The following ARHGAP32 variants were observed in gnomAD, a reference collection of about 807,000 sequenced individuals.
ARHGAP32 encodes rho GTPase-activating protein 32.
ARHGAP32 carries 51 observed loss-of-function variants against 186.5 expected under a neutral mutation model. The ratio of observed to expected loss-of-function variants is 0.27; its 90% confidence interval spans 0.22 to 0.35. The LOEUF (loss-of-function observed/expected upper bound fraction) is 0.35. Among genes scored for constraint, ARHGAP32 ranks in the 10% least tolerant of loss-of-function variants. The pLI, the probability that ARHGAP32 is intolerant of heterozygous loss-of-function variation, is 1.00. For synonymous variants in ARHGAP32, 950 were observed against 964.3 expected (o/e 0.99, Z 0.27); for missense variants, 2,186 against 2,623.5 (o/e 0.83, Z 3.64).
rs529753055 is a variant in ARHGAP32, at chr11:129,232,788, A to G, written c.-5+46358T>C. Among the ~76,000 whole-genome samples the G allele has an allele frequency of 4.6e-5, 7 of 152,186 alleles. No homozygotes were observed. In the South Asian group the frequency reaches 8.3e-4, roughly 18 times the overall value. On this transcript the variant is annotated intron_variant, in intron 1 of 6. Coordinates refer to the ARHGAP32 transcript ENST00000525234. The stretch of plus-strand genomic sequence containing the variant: ...CTCTCTGCTTAGACACTGGCATCAC[A>G]TGTCCCCTTCCTATCTTGGAGACAG...
At position 129,085,918 on chromosome 11, in the gene ARHGAP32, C is replaced by A. The variant is rs184126119; in HGVS notation, c.531+7703G>T. 6.0e-4 allele frequency among the ~76,000 whole-genome samples: 91 copies of A among 151,312 alleles called. 1 individual carries two copies. In the East Asian group the frequency reaches 0.017, roughly 29 times the overall value. On this transcript the variant is annotated intron_variant, in intron 6 of 22. Transcript: ENST00000682385. ...CTGAGGCAGCAGAAAGGCGTGAACC[C>A]GGGAGGCAGAGCTTGCAGTGAGCTG...
chr11:129,011,763 T>G (rs1377385669), intron 11 of ARHGAP32, among the ~76,000 whole-genome samples: 1 of 152,204 alleles, frequency 6.6e-6, no homozygotes, highest in Non-Finnish European at 1.5e-5. Context: ...GGTTGGCTTT[T>G]TTTTTATTTT....
intron 1 of ARHGAP32, among the ~76,000 whole-genome samples, chr11:129,270,116 A>T (rs1243372815): frequency 6.6e-6 from 1 of 152,160 alleles, no homozygotes; most frequent in Non-Finnish European, 1.5e-5. Context: ...AGCAACTAGG[A>T]TGTCCTTCAG....
chr11:129,189,598 T>G (rs1453876415), intron 1 of ARHGAP32, among the ~76,000 whole-genome samples: 1 of 152,202 alleles, frequency 6.6e-6, no homozygotes. Flanking sequence ...AATAACTATT[T>G]TACCACAGTG....
chr11:129,209,591 G>A (rs1041353762), intron 1 of ARHGAP32, among the ~76,000 whole-genome samples: 7 of 151,654 alleles, frequency 4.6e-5, no homozygotes, highest in Admixed American at 6.6e-5. Context: ...GACTGCAAAC[G>A]GAAAACACCC....
intron 5 of ARHGAP32, among the ~76,000 whole-genome samples, chr11:129,104,742 A>G (rs1194484799): frequency 6.6e-5 from 10 of 152,164 alleles, no homozygotes; most frequent in Non-Finnish European, 1.2e-4. Context: ...GTAGGTGGCT[A>G]CAAGCTTCAA....
rs535334430 is a variant in ARHGAP32 at position 129,071,375 on chromosome 11, C to T, written c.532-4507G>A. Among the ~76,000 whole-genome samples the T allele has an allele frequency of 1.1e-4, 16 of 151,556 alleles. No individual in the cohort carries two copies. The South Asian group carries it at 3.1e-3, about 30-fold the overall frequency. ...AGAACTCTACAGAAAAAAAAAATAA[C>T]CCAATTAACCAATGGGCAAAAGCAC... On this transcript the variant is annotated intron_variant, in intron 6 of 22. Transcript: ENST00000682385.
At chr11:129,159,853 C>T (rs1012020190) in intron 2 of ARHGAP32, among the ~76,000 whole-genome samples, 3 of 152,174 alleles carry the variant, frequency 2.0e-5, no homozygotes, top group Non-Finnish European at 4.4e-5. Context: ...TCCAGGAGCA[C>T]ATTAAAAAGC....
chr11:129,137,779 C>A (rs2135419343), intron 2 of ARHGAP32, among the ~76,000 whole-genome samples: 1 of 152,084 alleles, frequency 6.6e-6, no homozygotes, highest in Middle Eastern at 3.4e-3. Context: ...TGGACAGTCA[C>A]ATGCAGATGA....
chr11:129,145,322 T>C (rs531915759), intron 2 of ARHGAP32, among the ~76,000 whole-genome samples: 2 of 152,106 alleles, frequency 1.3e-5, no homozygotes, highest in South Asian at 4.1e-4. Flanking sequence ...TTTAAAGATA[T>C]ATTATAAATA....
Position 128,988,133 on chromosome 11 carries a change from G to A in ARHGAP32, c.1196-8C>T. Reference sequence around the variant, plus strand: ...TTTGAAGAACCTGCGGCACTAAAGAGAATTTGTAAAGAAACAGATGAAATT... The same window carrying A: ...TTTGAAGAACCTGCGGCACTAAAGAAAATTTGTAAAGAAACAGATGAAATT... On this transcript the variant is annotated splice_polypyrimidine_tract_variant and splice_region_variant and intron_variant, in intron 12 of 22. Coordinates refer to ENST00000682385, the MANE Select transcript of ARHGAP32 (RefSeq NM_001378024.1). The A allele has an allele frequency of 6.2e-7, 1 of 1,602,898 alleles. No homozygotes were observed. Among genetic ancestry groups the A allele is most frequent in the Non-Finnish European group, 8.5e-7 (1 of 1,171,800 alleles).
intron 1 of ARHGAP32, among the ~76,000 whole-genome samples, chr11:129,275,609 A>G (rs1437823282): frequency 6.6e-6 from 1 of 152,246 alleles, no homozygotes; most frequent in African/African-American, 2.4e-5. Context: ...CTTTTCTTTT[A>G]AAGAACCAGA....
At chr11:128,972,411 G>GT in intron 22 of ARHGAP32, 42 bp downstream of exon 22, 1 of 1,494,368 alleles carries the variant, frequency 6.7e-7, no homozygotes, top group Non-Finnish European at 8.9e-7. Flanking sequence ...CATACCTTTG[G>GT]TAATAGTATA....
intron 2 of ARHGAP32, among the ~76,000 whole-genome samples, chr11:129,128,528 C>T (rs1324936957): frequency 6.6e-6 from 1 of 152,146 alleles, no homozygotes; most frequent in Non-Finnish European, 1.5e-5. Flanking sequence ...CTACAGTTAA[C>T]AAAGTCATTT....
intron 8 of ARHGAP32, 80 bp from the exon 9 acceptor site, chr11:129,064,104 T>C: frequency 7.4e-7 from 1 of 1,346,662 alleles, no homozygotes; most frequent in Non-Finnish European, 9.9e-7. Context: ...AAGAAATTCA[T>C]TTTAATTTAG....
chr11:129,161,308 A>T lies in ARHGAP32; in HGVS notation c.225+3011T>A, dbSNP rs531893036. On this transcript the variant is annotated intron_variant, in intron 2 of 22. Coordinates refer to ENST00000682385, the MANE Select transcript of ARHGAP32 (RefSeq NM_001378024.1). ...AAAAAAAGCCAAAATTGACAAATGG[A>T]ATCTAATTAAACTAAAGACCTTCTC... Among the ~76,000 whole-genome samples, 769 of 152,198 alleles carry T rather than the reference A, an allele frequency of 5.1e-3. 6 individuals carry two copies. Among genetic ancestry groups the T allele is most frequent in the Non-Finnish European group, 8.2e-3 (559 of 67,980 alleles).
At chr11:129,131,151 T>A (rs1441433456) in intron 2 of ARHGAP32, among the ~76,000 whole-genome samples, 1 of 152,086 alleles carries the variant, frequency 6.6e-6, no homozygotes. Context: ...GAAATAAGTG[T>A]TACAACTGGC....
rs561233431 is a variant in ARHGAP32, at chr11:129,150,171, T to C, written c.225+14148A>G. Among the ~76,000 whole-genome samples, 19 of 148,694 alleles carry C rather than the reference T, an allele frequency of 1.3e-4. No homozygotes were observed. In the South Asian group the frequency reaches 3.9e-3, roughly 30 times the overall value. On this transcript the variant is annotated intron_variant, in intron 2 of 22. Transcript: ENST00000682385. Reference sequence around the variant, plus strand: ...AGAGCCTCCAAGAAATTAGGGATTATGTTAAATGGCCAAACCTAAGAAAAA... The same window carrying C: ...AGAGCCTCCAAGAAATTAGGGATTACGTTAAATGGCCAAACCTAAGAAAAA...
intron 1 of ARHGAP32, among the ~76,000 whole-genome samples, chr11:129,207,152 C>T (rs1439744313): frequency 3.9e-5 from 6 of 152,148 alleles, no homozygotes; most frequent in African/African-American, 1.4e-4. Context: ...TCCAGTCTAT[C>T]ATTGATGGGC....
Sources: gnomAD v4.1 joint callset for allele counts (sites outside exome capture counted in the v4.1 genomes callset) on GRCh38, gnomAD v4.1.1 for gene constraint, MANE v1.5 for transcripts, NCBI Gene and HGNC (gene_info 2026-07-23, HGNC 2026-07-21) for gene names.